HERC5: variants seen among roughly 807,000 people sequenced by gnomAD.
HERC5 encodes E3 ISG15--protein ligase HERC5.
In HERC5, 99 loss-of-function variants were observed where a neutral mutation model predicts 119.6. The observed-to-expected ratio is 0.83, with a 90% CI of 0.70 to 0.98. The LOEUF (loss-of-function observed/expected upper bound fraction) is 0.98, where lower values mean the gene tolerates loss of function less well. HERC5 is among the 50% of genes least tolerant of loss of function. The pLI, the probability that HERC5 is intolerant of heterozygous loss-of-function variation, is 0.00. For missense variants in HERC5, 1,267 were observed against 1,241.3 expected (o/e 1.02, Z -0.31); for synonymous variants, 478 against 445.9 (o/e 1.07, Z -0.91).
At chr4:88,491,637 A>G (rs1006529731) in intron 16 of HERC5, among the ~76,000 whole-genome samples, 2 of 152,142 alleles carry the variant, frequency 1.3e-5, no homozygotes, top group African/African-American at 4.8e-5. Flanking sequence ...GAGCTTGGGG[A>G]TTTACAGTTC....
At chr4:88,498,553 G>A (rs560785259) in intron 18 of HERC5, among the ~76,000 whole-genome samples, 7 of 152,226 alleles carry the variant, frequency 4.6e-5, no homozygotes, top group African/African-American at 1.7e-4. Flanking sequence ...TCCTATGCCT[G>A]TTCCACTGTT....
intron 12 of HERC5, 118 bp downstream of exon 12, chr4:88,476,148 G>A (rs1047450617): frequency 7.0e-6 from 5 of 717,968 alleles, no homozygotes; most frequent in Admixed American, 2.9e-5. Context: ...AGTTCGTATT[G>A]TTAGCATACT....
intron 18 of HERC5, among the ~76,000 whole-genome samples, chr4:88,496,034 G>T (rs1416848469): frequency 6.6e-6 from 1 of 152,168 alleles, no homozygotes; most frequent in Non-Finnish European, 1.5e-5. Flanking sequence ...TTTAAACACA[G>T]GAATACACAA....
chr4:88,495,235 C>T (rs1251605761), intron 18 of HERC5, among the ~76,000 whole-genome samples: 1 of 152,034 alleles, frequency 6.6e-6, no homozygotes, highest in African/African-American at 2.4e-5. Context: ...TGGAATACTA[C>T]AGAGATTTTT....
intron 18 of HERC5, 111 bp downstream of exon 18, chr4:88,494,442 C>A: frequency 1.1e-6 from 1 of 897,556 alleles, no homozygotes; most frequent in Non-Finnish European, 1.7e-6. Context: ...ATTTTAGGTA[C>A]TTTAGACCAG....
chr4:88,467,523 C>A (rs1740714781), intron 7 of HERC5, among the ~76,000 whole-genome samples: 1 of 152,162 alleles, frequency 6.6e-6, no homozygotes, highest in Non-Finnish European at 1.5e-5. Flanking sequence ...TTTACTAATT[C>A]TTGTAATTGG....
intron 6 of HERC5, among the ~76,000 whole-genome samples, chr4:88,464,523 C>G (rs1740577776): frequency 1.3e-5 from 2 of 151,500 alleles, no homozygotes; most frequent in Non-Finnish European, 2.9e-5. Context: ...AAATGTCTTG[C>G]TCAGACTCCT....
chr4:88,505,982 TG>T lies in HERC5; in HGVS notation c.*105del. On this transcript the variant is annotated 3_prime_UTR_variant, in exon 23 of 23. Transcript: ENST00000264350. ...GTTTTGTTTTAGGCTTTTAGCAGCC[TG>T]AAGCCATGGTTTTTCATTTCTGTCT... 1.2e-6 allele frequency: 1 copy of T among 865,300 alleles called. No individual in the cohort carries two copies. The highest frequency in any genetic ancestry group is 2.7e-5 in the East Asian group (1 of 37,734). 53.6% of individuals were successfully genotyped at this position (865,300 alleles called of 1,614,324 possible). A position where few individuals can be genotyped will look rare whatever the true frequency, so the allele number is the denominator to read the frequency against.
chr4:88,463,826 G>T (rs760447619), intron 5 of HERC5, 29 bp from the exon 6 acceptor site: 4 of 1,607,068 alleles, frequency 2.5e-6, no homozygotes, highest in Non-Finnish European at 3.4e-6. Flanking sequence ...TATTTTTCTA[G>T]CATCTGATAT....
chr4:88,499,219 G>T (rs1741882532), intron 18 of HERC5, among the ~76,000 whole-genome samples: 1 of 152,288 alleles, frequency 6.6e-6, no homozygotes, highest in South Asian at 2.1e-4. Context: ...CAGAGTATTG[G>T]CAGTGATATC....
Position 88,487,051 on chromosome 4 carries a change from T to G in HERC5, c.1852-18T>G. ...CTGTCCTTTAACTTATCAGAATTAT[T>G]GTCATTTCCATTTTTAGGACGCTTC... On this transcript the variant is annotated intron_variant, in intron 14 of 22. Coordinates refer to ENST00000264350, the MANE Select transcript of HERC5 (RefSeq NM_016323.4). 6.5e-7 allele frequency: 1 copy of G among 1,535,128 alleles called. No individual in the cohort carries two copies.
chr4:88,476,485 T>C (rs1361212958), intron 12 of HERC5, among the ~76,000 whole-genome samples: 1 of 152,236 alleles, frequency 6.6e-6, no homozygotes, highest in African/African-American at 2.4e-5. Flanking sequence ...TTTGTAATTA[T>C]GGTATTAGAG....
At chr4:88,487,007 G>C (rs1174861273) in intron 14 of HERC5, 62 bp from the exon 15 acceptor site, 3 of 1,134,768 alleles carry the variant, frequency 2.6e-6, no homozygotes, top group Admixed American at 4.1e-5. Flanking sequence ...AAGGCTATGA[G>C]GTAAAGTGTA....
rs527608868 is a variant in HERC5, at chr4:88,505,954, T to C, written c.*76T>C. 1 of 1,233,128 alleles carries C rather than the reference T, an allele frequency of 8.1e-7. No individual in the cohort carries two copies. The highest frequency in any genetic ancestry group is 2.3e-5 in the Admixed American group (1 of 44,188). The allele number at this position is 1,233,128 out of a possible 1,614,324, so 76.4% of individuals were successfully genotyped here. A position where few individuals can be genotyped will look rare whatever the true frequency, so the allele number is the denominator to read the frequency against. ...GTTGTTGTTGTTGTTGTTTCTCTACTTTGTTTTGTTTTAGGCTTTTAGCAG... is the reference window on the plus strand; with the variant it reads ...GTTGTTGTTGTTGTTGTTTCTCTACCTTGTTTTGTTTTAGGCTTTTAGCAG... On this transcript the variant is annotated 3_prime_UTR_variant, in exon 23 of 23. Transcript: ENST00000264350.
chr4:88,473,798 G>A (rs1029227134), intron 11 of HERC5: 4 of 152,156 alleles, frequency 2.6e-5, no homozygotes, highest in South Asian at 2.1e-4. Context: ...CCTTTTGTGC[G>A]TCTGTGAAGG....
chr4:88,479,283 T>TC (rs1368607054), intron 12 of HERC5, 70 bp from the exon 13 acceptor site: 1 of 1,006,706 alleles, frequency 9.9e-7, no homozygotes, highest in African/African-American at 2.0e-5. Context: ...AGACTCTGTC[T>TC]CAAAAAAAAA....
rs774911914 is a variant in HERC5, at chr4:88,479,344, G to T, written c.1583-9G>T. The stretch of plus-strand genomic sequence containing the variant: ...TTTTTAAAAAATTTGCTTTCCTTGT[G>T]TTCCTCAGAAGAGTATTGGGCAACT... On this transcript the variant is annotated splice_polypyrimidine_tract_variant and intron_variant, in intron 12 of 22. Transcript: ENST00000264350. 1 of 1,544,764 alleles carries T rather than the reference G, an allele frequency of 6.5e-7. No homozygotes were observed. Among genetic ancestry groups the T allele is most frequent in the East Asian group, 2.3e-5 (1 of 43,440 alleles).
In HERC5 at chr4:88,504,523, G is replaced by A; in HGVS notation, c.2795G>A (p.Ser932Asn). 1 of 1,577,832 alleles carries A rather than the reference G, an allele frequency of 6.3e-7. No homozygotes were observed. The highest frequency in any genetic ancestry group is 8.6e-7 in the Non-Finnish European group (1 of 1,164,778). The change falls in exon 22 of 23, where the codon AGT (serine) becomes AAT (asparagine). Residue 932 changes from serine to asparagine, a missense_variant. Around this residue, in one of 3 missense-constraint regions of HERC5, gnomAD observed 473 missense variants for 445.7 expected, o/e 1.06. Coordinates refer to ENST00000264350, the MANE Select transcript of HERC5 (RefSeq NM_016323.4). ...KNARYEPGYN[S>N]SHPTIVMFWK... ...GCACGTTATGAACCAGGATATAACA[G>A]TTCACATCCCACCATAGTGATGTTT...
At chr4:88,458,022 T>C in intron 1 of HERC5, 3 of 986,806 alleles carry the variant, frequency 3.0e-6, no homozygotes, top group Non-Finnish European at 3.6e-6. Context: ...TTTAAAATTT[T>C]GCCCATCTGT....
Sources: gnomAD v4.1 joint callset for allele counts (sites outside exome capture counted in the v4.1 genomes callset) on GRCh38, gnomAD v4.1.1 for gene constraint, gnomAD v4.1.1 regional missense constraint, MANE v1.5 for transcripts, NCBI Gene and HGNC (gene_info 2026-07-23, HGNC 2026-07-21) for gene names.